CADM2: variants seen among roughly 807,000 people sequenced by gnomAD.
CADM2 encodes the protein cell adhesion molecule 2.
Under a neutral mutation model 49.8 loss-of-function variants are expected in CADM2, and 12 were observed. The observed-to-expected ratio is 0.24, with a 90% CI of 0.15 to 0.39. CADM2 has a LOEUF of 0.39. Ranked by LOEUF, CADM2 falls within the 10% of genes least tolerant of loss-of-function variation. CADM2 has a pLI of 1.00. For synonymous variants in CADM2, 214 were observed against 175.4 expected, an observed-to-expected ratio of 1.22 and a Z score of -1.74; for missense variants, 378 against 492.3, an observed-to-expected ratio of 0.77 and a Z score of 2.20.
chr3:85,936,560 T>A (rs1471268672), intron 7 of CADM2, among the ~76,000 whole-genome samples: 2 of 151,834 alleles, frequency 1.3e-5, no homozygotes, highest in Non-Finnish European at 2.9e-5. Flanking sequence ...AGGCCTAGCT[T>A]TATGTAATTT....
chr3:85,550,660 C>CT (rs980567757), intron 1 of CADM2, among the ~76,000 whole-genome samples: 2 of 152,164 alleles, frequency 1.3e-5, no homozygotes, highest in African/African-American at 4.8e-5. Flanking sequence ...CTAAGAGCAA[C>CT]TAATTGTGTT....
At chr3:85,745,885 T>C (rs539517332) in intron 2 of CADM2, among the ~76,000 whole-genome samples, 55 of 152,144 alleles carry the variant, frequency 3.6e-4, no homozygotes, top group African/African-American at 1.3e-3. Context: ...TTGCCTATGT[T>C]TTTTTTCTTG....
At chr3:86,008,499 C>T (rs527746924) in intron 8 of CADM2, among the ~76,000 whole-genome samples, 38 of 151,962 alleles carry the variant, frequency 2.5e-4, no homozygotes, top group Non-Finnish European at 5.0e-4. Flanking sequence ...TGTTTATTTG[C>T]ATAAATAAAA....
chr3:85,245,523 G>T (rs1406063559), intron 1 of CADM2, among the ~76,000 whole-genome samples: 1 of 148,992 alleles, frequency 6.7e-6, no homozygotes, highest in Non-Finnish European at 1.5e-5. Flanking sequence ...AAAAAAAAAA[G>T]ATAATAATAA....
chr3:85,854,627 CAG>C (rs2075235770), intron 3 of CADM2, among the ~76,000 whole-genome samples: 3 of 151,832 alleles, frequency 2.0e-5, no homozygotes, highest in South Asian at 4.2e-4. Context: ...CAGGGCCTGT[CAG>C]GGGTTGGGGG....
intron 1 of CADM2, among the ~76,000 whole-genome samples, chr3:85,565,037 A>G (rs1376765300): frequency 6.6e-6 from 1 of 152,070 alleles, no homozygotes; most frequent in Non-Finnish European, 1.5e-5. Flanking sequence ...TTGGACAAGG[A>G]CTCACAATCA....
intron 1 of CADM2, among the ~76,000 whole-genome samples, chr3:85,283,239 T>A (rs1576277022): frequency 6.6e-6 from 1 of 151,996 alleles, no homozygotes; most frequent in African/African-American, 2.4e-5. Flanking sequence ...GTAGTTTTTC[T>A]TATTATTTCT....
chr3:85,414,231 CTCT>C (rs1423963124), intron 1 of CADM2, among the ~76,000 whole-genome samples: 1 of 152,114 alleles, frequency 6.6e-6, no homozygotes, highest in Non-Finnish European at 1.5e-5. Flanking sequence ...TTTACGATAT[CTCT>C]TCTGTTTATA....
At chr3:84,973,056 G>A (rs1397960399) in intron 1 of CADM2, among the ~76,000 whole-genome samples, 2 of 152,096 alleles carry the variant, frequency 1.3e-5, no homozygotes, top group African/African-American at 4.8e-5. Context: ...TGAGACTACA[G>A]GCACGTGCCA....
At chr3:85,360,773 TCACAAGAGTG>T (rs2107277842) in intron 1 of CADM2, among the ~76,000 whole-genome samples, 1 of 152,330 alleles carries the variant, frequency 6.6e-6, no homozygotes, top group South Asian at 2.1e-4. Context: ...TATTGAAGCA[TCACAAGAGTG>T]TTGTTACAAA....
At chr3:85,219,575 G>A (rs1342956489) in intron 1 of CADM2, among the ~76,000 whole-genome samples, 2 of 152,122 alleles carry the variant, frequency 1.3e-5, no homozygotes, top group Non-Finnish European at 2.9e-5. Flanking sequence ...CAGTGAATAT[G>A]CCTTAAAAGC....
At chr3:85,918,596 G>A (rs746338585) in intron 6 of CADM2, among the ~76,000 whole-genome samples, 4 of 152,090 alleles carry the variant, frequency 2.6e-5, no homozygotes, top group Non-Finnish European at 4.4e-5. Flanking sequence ...GTTCATCAAG[G>A]ATATTGGTCT....
At chr3:85,582,960 C>A (rs1367722538) in intron 1 of CADM2, among the ~76,000 whole-genome samples, 1 of 151,968 alleles carries the variant, frequency 6.6e-6, no homozygotes, top group Admixed American at 6.6e-5. Flanking sequence ...GGTAATAATA[C>A]CTACCCCAAA....
chr3:85,938,348 G>T (rs1207635580), intron 7 of CADM2, among the ~76,000 whole-genome samples: 4 of 152,024 alleles, frequency 2.6e-5, no homozygotes, highest in Non-Finnish European at 5.9e-5. Flanking sequence ...AAAAGAACAG[G>T]ATGCAAATTG....
At chr3:85,961,270 A>G (rs9856754) in intron 7 of CADM2, among the ~76,000 whole-genome samples, 199 bp from the exon 8 acceptor site, 33,571 of 151,386 alleles carry the variant, frequency 0.22, 4,237 homozygotes, top group African/African-American at 0.34. Flanking sequence ...GCTTAGTTAA[A>G]TAGAATAGAA....
chr3:85,213,970 C>T (rs1436603895), intron 1 of CADM2, among the ~76,000 whole-genome samples: 1 of 152,108 alleles, frequency 6.6e-6, no homozygotes, highest in Non-Finnish European at 1.5e-5. Flanking sequence ...TGAATTCCTT[C>T]TCTGTGTTAT....
intron 1 of CADM2, among the ~76,000 whole-genome samples, chr3:85,075,271 AC>A (rs2036901668): frequency 6.6e-6 from 1 of 151,964 alleles, no homozygotes; most frequent in African/African-American, 2.4e-5. Flanking sequence ...CATAATTTGA[AC>A]CAATAGAAGT....
At chr3:85,621,588 GT>G (rs969437094) in intron 1 of CADM2, among the ~76,000 whole-genome samples, 1 of 152,044 alleles carries the variant, frequency 6.6e-6, no homozygotes, top group African/African-American at 2.4e-5. Context: ...ACTCTGCTCT[GT>G]TTTTTAACAG....
intron 1 of CADM2, among the ~76,000 whole-genome samples, chr3:85,637,621 A>AAATAAAATGAAATAAAATAAAATAAAAT (rs58472713): frequency 8.7e-6 from 1 of 114,528 alleles, no homozygotes; most frequent in Non-Finnish European, 1.7e-5. Flanking sequence ...AAAAAAAAAA[A>AAATAAAATGAAATAAAATAAAATAAAAT]AAAATAAAAT....
Sources: allele counts gnomAD v4.1 joint callset (sites outside exome capture counted in the v4.1 genomes callset), GRCh38; gene constraint gnomAD v4.1.1; transcripts MANE v1.5; gene names NCBI Gene and HGNC (gene_info 2026-07-23, HGNC 2026-07-21).